The following FIG4 variants were observed in gnomAD, a reference collection of about 807,000 sequenced individuals.
FIG4 encodes the protein polyphosphoinositide phosphatase.
Under a neutral mutation model 118.6 loss-of-function variants are expected in FIG4, and 112 were observed. That is an observed-to-expected ratio of 0.94 (90% confidence interval 0.81 to 1.11). The LOEUF (loss-of-function observed/expected upper bound fraction) is 1.11, where lower values mean the gene tolerates loss of function less well. FIG4 is among the 50% of genes least tolerant of loss of function. FIG4 has a pLI of 0.00. For synonymous variants in FIG4, 369 were observed against 381.2 expected, an observed-to-expected ratio of 0.97 and a Z score of 0.37; for missense variants, 969 against 1,111.7, an observed-to-expected ratio of 0.87 and a Z score of 1.83.
intron 22 of FIG4, among the ~76,000 whole-genome samples, chr6:109,817,690 C>T (rs1451721773): frequency 6.6e-6 from 1 of 152,122 alleles, no homozygotes; most frequent in East Asian, 1.9e-4. Context: ...GGCAGACTGT[C>T]CTTTCTCTCT....
intron 1 of FIG4, among the ~76,000 whole-genome samples, chr6:109,700,208 C>T (rs1032640989): frequency 6.6e-6 from 1 of 152,186 alleles, no homozygotes; most frequent in African/African-American, 2.4e-5. Flanking sequence ...ATGCCGTTGA[C>T]TTAATTTTTT....
At position 109,732,629 on chromosome 6, in the gene FIG4, T is replaced by TC; in HGVS notation, c.447-8_447-7insC. Reference sequence around the variant, plus strand: ...CAAATGAAATGTACTTTGTTTTTTTTTTTTTAGGTATCTACGAATATTTCA... The same window carrying TC: ...CAAATGAAATGTACTTTGTTTTTTTTCTTTTTAGGTATCTACGAATATTTCA... On this transcript the variant is annotated splice_region_variant and splice_polypyrimidine_tract_variant and intron_variant, in intron 4 of 22. Transcript: ENST00000230124. The TC allele has an allele frequency of 7.4e-7, 1 of 1,347,700 alleles. No individual in the cohort carries two copies. Among genetic ancestry groups the TC allele is most frequent in the Non-Finnish European group, 1.1e-6 (1 of 948,292 alleles). The allele number at this position is 1,347,700 out of a possible 1,614,324, so 83.5% of individuals were successfully genotyped here.
In FIG4 at chr6:109,766,756, T is replaced by C. The variant is rs771138898; in HGVS notation, c.1611T>C (p.His537=). ...TATTTGAGGAACTCTATGAAGATCA[T>C]GGTGATACCCTATCCCTTCAGTATG... ...VRLFEELYED[H]GDTLSLQYGG... The change falls in exon 15 of 23, where the codon CAT becomes CAC. Residue 537 remains histidine (H), a synonymous_variant. Coordinates refer to ENST00000230124, the MANE Select transcript of FIG4 (RefSeq NM_014845.6). The C allele has an allele frequency of 6.2e-7, 1 of 1,614,038 alleles. No homozygotes were observed. The highest frequency in any genetic ancestry group is 8.5e-7 in the Non-Finnish European group (1 of 1,179,896).
chr6:109,822,284 T>G (rs1779026655), intron 22 of FIG4, among the ~76,000 whole-genome samples: 1 of 152,172 alleles, frequency 6.6e-6, no homozygotes, highest in Non-Finnish European at 1.5e-5. Flanking sequence ...GAATTTCTGT[T>G]TGTTTACCTG....
intron 1 of FIG4, among the ~76,000 whole-genome samples, chr6:109,699,902 G>C (rs180979386): frequency 2.6e-5 from 4 of 152,148 alleles, no homozygotes; most frequent in Non-Finnish European, 5.9e-5. Flanking sequence ...CAGTTTGGAG[G>C]CTGGTAAGTC....
At chr6:109,821,844 A>C (rs1291233260) in intron 22 of FIG4, among the ~76,000 whole-genome samples, 1 of 152,226 alleles carries the variant, frequency 6.6e-6, no homozygotes, top group Non-Finnish European at 1.5e-5. Context: ...GGGAAACTCT[A>C]CAACCCAGAT....
At chr6:109,803,196 A>G (rs1778470524) in intron 22 of FIG4, among the ~76,000 whole-genome samples, 2 of 152,220 alleles carry the variant, frequency 1.3e-5, no homozygotes, top group Non-Finnish European at 2.9e-5. Context: ...GCGTTTTGGA[A>G]AGGTCACTCT....
chr6:109,804,821 T>C (rs1562693758), intron 22 of FIG4, among the ~76,000 whole-genome samples: 1 of 152,172 alleles, frequency 6.6e-6, no homozygotes, highest in Non-Finnish European at 1.5e-5. Flanking sequence ...GAACCCACTA[T>C]GTGGTATTGT....
intron 1 of FIG4, among the ~76,000 whole-genome samples, chr6:109,710,728 T>C (rs1421726351): frequency 6.6e-6 from 1 of 152,202 alleles, no homozygotes; most frequent in African/African-American, 2.4e-5. Context: ...TGTCCAGGAA[T>C]TTATCTATTT....
chr6:109,710,911 A>C (rs868242208), intron 1 of FIG4, among the ~76,000 whole-genome samples: 4,696 of 148,016 alleles, frequency 0.032, 245 homozygotes, highest in African/African-American at 0.11. Context: ...TTAGTTTTTA[A>C]AAAAAAAAAA....
At chr6:109,753,498 A>G (rs947393298) in intron 10 of FIG4, among the ~76,000 whole-genome samples, 3 of 152,046 alleles carry the variant, frequency 2.0e-5, no homozygotes, top group African/African-American at 7.2e-5. Flanking sequence ...TGGTAGCTTG[A>G]TGGGGATGGC....
intron 1 of FIG4, among the ~76,000 whole-genome samples, chr6:109,708,913 G>T (rs562703743): frequency 2.0e-5 from 3 of 152,188 alleles, no homozygotes; most frequent in South Asian, 2.1e-4. Flanking sequence ...TCTGTAAGTT[G>T]TCTGTTTACT....
intron 1 of FIG4, among the ~76,000 whole-genome samples, chr6:109,703,812 A>G (rs149068456): frequency 2.0e-4 from 31 of 152,196 alleles, no homozygotes; most frequent in African/African-American, 7.0e-4. Context: ...CCTTTCCCAG[A>G]TGATCTTTCT....
intron 1 of FIG4, among the ~76,000 whole-genome samples, chr6:109,696,392 A>G (rs1103996): frequency 0.76 from 115,800 of 152,156 alleles, 44,272 homozygotes; most frequent in African/African-American, 0.84. Context: ...GTCCCCTTAT[A>G]TATTCAAAAG....
intron 7 of FIG4, among the ~76,000 whole-genome samples, chr6:109,739,995 T>A (rs964682685): frequency 6.6e-6 from 1 of 152,134 alleles, no homozygotes; most frequent in Non-Finnish European, 1.5e-5. Flanking sequence ...CACTTGAAAA[T>A]CAGGCTCATT....
At chr6:109,786,246 A>G in intron 17 of FIG4, 56 bp from the exon 18 acceptor site, 1 of 1,476,146 alleles carries the variant, frequency 6.8e-7, no homozygotes, top group Non-Finnish European at 9.4e-7. Flanking sequence ...ATATTATGGA[A>G]ATGTTTGCTT....
rs200267243 is a variant in FIG4 at position 109,825,083 on chromosome 6, T to C, written c.2547-5T>C. ...TGCAGCCCTCTCTTTATTCATCTTT[T>C]ATAGAACACCCATCTCGGCTTTCTC... On this transcript the variant is annotated splice_region_variant and splice_polypyrimidine_tract_variant and intron_variant, in intron 22 of 22. Coordinates refer to ENST00000230124, the MANE Select transcript of FIG4 (RefSeq NM_014845.6). The C allele has an allele frequency of 5.0e-6, 8 of 1,613,014 alleles. No individual in the cohort carries two copies. The highest frequency in any genetic ancestry group is 8.5e-7 in the Non-Finnish European group (1 of 1,179,064).
chr6:109,765,031 A>G lies in FIG4; in HGVS notation c.1453A>G (p.Asn485Asp). ...GRLQTGILRTNCVDCLDRTNT... is the reference protein window; with the variant it reads ...GRLQTGILRTDCVDCLDRTNT... ...TCTTTAGACTGGCATCCTTCGAACC[A>G]ACTGTGTGGACTGTTTAGATCGCAC... The change falls in exon 14 of 23, where the codon AAC (asparagine) becomes GAC (aspartate). Residue 485 changes from asparagine to aspartate, a missense_variant. Coordinates refer to ENST00000230124, the MANE Select transcript of FIG4 (RefSeq NM_014845.6). 1 of 1,614,076 alleles carries G rather than the reference A, an allele frequency of 6.2e-7. No homozygotes were observed. Among genetic ancestry groups the G allele is most frequent in the Non-Finnish European group, 8.5e-7 (1 of 1,179,924 alleles).
Position 109,796,821 on chromosome 6 carries a change from G to A in FIG4, c.2516G>A (p.Cys839Tyr). 1 of 1,609,794 alleles carries A rather than the reference G, an allele frequency of 6.2e-7. No homozygotes were observed. The highest frequency in any genetic ancestry group is 8.5e-7 in the Non-Finnish European group (1 of 1,176,042). ...HKQDKNSQQP[C>Y]SRCSDGVIKL... is the part of the protein sequence containing the mutation. ...CAAGACAAGAATAGCCAGCAGCCCT[G>A]TTCTAGGTGCTCAGATGGAGTTATA... Residue 839 changes from cysteine (C) to tyrosine (Y), a missense_variant, in exon 22 of 23, where the codon TGT becomes TAT. This residue lies in a region of FIG4 where 330 missense variants were observed against 348.1 expected (regional missense o/e 0.95). Transcript: ENST00000230124.
Sources: allele counts gnomAD v4.1 joint callset (sites outside exome capture counted in the v4.1 genomes callset), GRCh38; gene constraint gnomAD v4.1.1; regional missense constraint gnomAD v4.1.1; transcripts MANE v1.5; gene names NCBI Gene and HGNC (gene_info 2026-07-23, HGNC 2026-07-21).